GON4L: variants seen among roughly 807,000 people sequenced by gnomAD.
GON4L encodes gon-4 like.
A neutral mutation model predicts 211.8 loss-of-function variants in GON4L; 87 were observed. The observed-to-expected ratio is 0.41, with a 90% CI of 0.35 to 0.49. GON4L has a LOEUF of 0.49. Among genes scored for constraint, GON4L ranks in the 20% least tolerant of loss-of-function variants. The pLI is 0.15. For synonymous variants in GON4L, 875 were observed against 962.6 expected, an observed-to-expected ratio of 0.91 and a Z score of 1.68; for missense variants, 2,155 against 2,659.5, an observed-to-expected ratio of 0.81 and a Z score of 4.17.
At position 155,752,560 on chromosome 1, in the gene GON4L, G is replaced by T. The variant is rs1287553807; in HGVS notation, c.5873C>A (p.Ser1958Tyr). ...AGLAVGSTLP[S>Y]PREVTVTERL... Reference sequence around the variant, plus strand: ...TTCTGTAACAGTCACTTCTCGAGGGGATGGCAAAGTGCTCCCCACTGCCAA... The same window carrying T: ...TTCTGTAACAGTCACTTCTCGAGGGTATGGCAAAGTGCTCCCCACTGCCAA... The change falls in exon 30 of 32, where the codon TCC becomes TAC. Residue 1958 changes from serine to tyrosine, a missense_variant. By Grantham distance (144) the Ser-to-Tyr change is moderately radical (BLOSUM62 -2). Around this residue, in one of 6 missense-constraint regions of GON4L, gnomAD observed 455 missense variants for 504.6 expected, o/e 0.90. Coordinates refer to ENST00000368331, the MANE Select transcript of GON4L (RefSeq NM_001282860.2). 3 of 1,596,250 alleles carry T rather than the reference G, an allele frequency of 1.9e-6. No homozygotes were observed. The East Asian group carries it at 6.8e-5, about 36-fold the overall frequency.
At chr1:155,748,783 C>T, downstream of GON4L, 1 of 1,612,752 alleles carries the variant, frequency 6.2e-7, no homozygotes, top group Non-Finnish European at 8.5e-7. Context: ...GAGCATGCCA[C>T]ACAAGGTGAG....
At chr1:155,829,986 T>C (rs1277065219) in intron 2 of GON4L, among the ~76,000 whole-genome samples, 1 of 151,822 alleles carries the variant, frequency 6.6e-6, no homozygotes, top group African/African-American at 2.4e-5. Flanking sequence ...AGTCTCGCTC[T>C]GTGGGCCAGG....
intron 10 of GON4L, among the ~76,000 whole-genome samples, chr1:155,811,340 C>T (rs1482631217): frequency 8.6e-6 from 1 of 115,944 alleles, no homozygotes; most frequent in African/African-American, 3.3e-5. Flanking sequence ...TGCAGTGAGC[C>T]GAGATCGCAC....
intron 10 of GON4L, among the ~76,000 whole-genome samples, chr1:155,809,059 T>C (rs1358200161): frequency 2.0e-5 from 3 of 152,074 alleles, no homozygotes; most frequent in Non-Finnish European, 2.9e-5. Flanking sequence ...AATACAGGCA[T>C]GCGCCACCAC....
At chr1:155,802,322 GA>G (rs1298553723) in intron 11 of GON4L, among the ~76,000 whole-genome samples, 1 of 139,636 alleles carries the variant, frequency 7.2e-6, no homozygotes, top group Non-Finnish European at 1.6e-5. Flanking sequence ...TGGGGGGGGG[GA>G]AGGCTTTAAT....
In GON4L at chr1:155,784,047, G is replaced by C; in HGVS notation, c.1831C>G (p.Pro611Ala). Residue 611 changes from proline to alanine, a missense_variant, in exon 14 of 32, where the codon CCA becomes GCA. This residue lies in a region of GON4L where 551 missense variants were observed against 854.0 expected (regional missense o/e 0.65). Coordinates refer to ENST00000368331, the MANE Select transcript of GON4L (RefSeq NM_001282860.2). Reference protein sequence around the residue: ...MGFSNMEDDGPEEEECVAEPR... With the variant: ...MGFSNMEDDGAEEEECVAEPR... ...TCAGCTACACACTCCTCCTCTTCTGGGCCATCATCTTCCATGTTGGAGAAT... is the reference window on the plus strand; with the variant it reads ...TCAGCTACACACTCCTCCTCTTCTGCGCCATCATCTTCCATGTTGGAGAAT... 1.2e-6 allele frequency: 2 copies of C among 1,614,046 alleles called. No individual in the cohort carries two copies. The highest frequency in any genetic ancestry group is 1.6e-4 in the Middle Eastern group (1 of 6,062).
chr1:155,763,705 T>C (rs768010371), intron 21 of GON4L, 141 bp from the exon 22 acceptor site: 6 of 788,500 alleles, frequency 7.6e-6, no homozygotes, highest in South Asian at 1.9e-5. Flanking sequence ...CCTTGAGTTA[T>C]GAAATCCCAG....
intron 31 of GON4L, among the ~76,000 whole-genome samples, chr1:155,751,479 G>A (rs1265849093): frequency 6.6e-6 from 1 of 152,170 alleles, no homozygotes; most frequent in Non-Finnish European, 1.5e-5. Context: ...AACCTGGGAG[G>A]TGGAGGTTGT....
chr1:155,832,726 T>G (rs368296176), intron 2 of GON4L: 15 of 152,224 alleles, frequency 9.9e-5, no homozygotes, highest in African/African-American at 3.6e-4. Flanking sequence ...TCCAACTATC[T>G]TTCTATGTAT....
chr1:155,793,590 A>G (rs1414591107), intron 12 of GON4L, among the ~76,000 whole-genome samples: 3 of 152,124 alleles, frequency 2.0e-5, no homozygotes, highest in Non-Finnish European at 4.4e-5. Flanking sequence ...TATGTTTTCT[A>G]TGCTTGACAC....
intron 2 of GON4L, among the ~76,000 whole-genome samples, chr1:155,830,679 T>C (rs572308577): frequency 4.9e-4 from 75 of 152,232 alleles, no homozygotes; most frequent in Non-Finnish European, 7.8e-4. Flanking sequence ...CTCAACCTCC[T>C]GGGCTCAAGT....
At chr1:155,829,500 A>G (rs568273774) in intron 2 of GON4L, among the ~76,000 whole-genome samples, 14 of 152,044 alleles carry the variant, frequency 9.2e-5, no homozygotes, top group Non-Finnish European at 1.5e-4. Flanking sequence ...CAGCTATTCA[A>G]CAGGCACGAG....
intron 2 of GON4L, among the ~76,000 whole-genome samples, chr1:155,839,523 G>A (rs868270856): frequency 9.2e-5 from 14 of 151,948 alleles, no homozygotes; most frequent in African/African-American, 2.2e-4. Flanking sequence ...GGTGGCACAC[G>A]CCTGTTAATT....
chr1:155,752,662 G>T (rs1660726086), intron 29 of GON4L, 72 bp from the exon 30 acceptor site: 20 of 1,543,886 alleles, frequency 1.3e-5, no homozygotes, highest in Admixed American at 5.9e-5. Context: ...AATTACCTGT[G>T]GCCAGGTACT....
At chr1:155,849,509 A>C (rs1396271310) in intron 2 of GON4L, among the ~76,000 whole-genome samples, 3 of 140,364 alleles carry the variant, frequency 2.1e-5, no homozygotes, top group Admixed American at 7.6e-5. Flanking sequence ...GTGCCACTGC[A>C]CTCCAACCTG....
downstream of GON4L, chr1:155,745,874 T>A: frequency 1.0e-6 from 1 of 971,190 alleles, no homozygotes. Flanking sequence ...GTTGGGACAT[T>A]TTGCCGGTTT....
Position 155,757,053 on chromosome 1 carries a change from G to A in GON4L, c.5422C>T (p.Leu1808=). The A allele has an allele frequency of 6.2e-7, 1 of 1,613,842 alleles. No homozygotes were observed. Residue 1808 remains leucine (L), a synonymous_variant, in exon 27 of 32, where the codon CTG becomes TTG. Coordinates refer to ENST00000368331, the MANE Select transcript of GON4L (RefSeq NM_001282860.2). Reference sequence around the variant, plus strand: ...TCCTCCTCTTCTTCCACATCAGGCAGGGCCACTTCTTCAAAGCCATCAAAC... The same window carrying A: ...TCCTCCTCTTCTTCCACATCAGGCAAGGCCACTTCTTCAAAGCCATCAAAC... The part of the protein sequence containing the change: ...YEFDGFEEVA[L]PDVEEEEEPP...
intron 17 of GON4L, chr1:155,774,737 A>G: frequency 1.8e-6 from 1 of 555,040 alleles, no homozygotes; most frequent in South Asian, 2.0e-5. Flanking sequence ...GCTGTAGTCC[A>G]ATTCTTAGCA....
chr1:155,761,891 C>G (rs949516181), intron 23 of GON4L, among the ~76,000 whole-genome samples: 1 of 152,192 alleles, frequency 6.6e-6, no homozygotes, highest in African/African-American at 2.4e-5. Context: ...TATAAAGGTC[C>G]TTATCAGCGC....
Sources: allele counts gnomAD v4.1 joint callset (sites outside exome capture counted in the v4.1 genomes callset), GRCh38; gene constraint gnomAD v4.1.1; regional missense constraint gnomAD v4.1.1; transcripts MANE v1.5; gene names NCBI Gene and HGNC (gene_info 2026-07-23, HGNC 2026-07-21).